DDX60: variants seen among roughly 807,000 people sequenced by gnomAD.
DDX60 encodes the protein DExD/H-box helicase 60.
DDX60 carries 165 observed loss-of-function variants against 212.8 expected under a neutral mutation model. That is an observed-to-expected ratio of 0.78 (90% CI 0.68 to 0.88). The LOEUF (loss-of-function observed/expected upper bound fraction) is 0.88. Ranked by LOEUF, DDX60 falls within the 40% of genes least tolerant of loss-of-function variation. DDX60 has a pLI of 0.00. For missense variants in DDX60, 1,905 were observed against 2,003.9 expected, an observed-to-expected ratio of 0.95 and a Z score of 0.94; for synonymous variants, 703 against 685.3, an observed-to-expected ratio of 1.03 and a Z score of -0.40.
At chr4:168,286,996 C>T (rs1050392730) in intron 10 of DDX60, 52 bp downstream of exon 10, 1 of 1,436,924 alleles carries the variant, frequency 7.0e-7, no homozygotes, top group Non-Finnish European at 9.4e-7. Flanking sequence ...GTTTCCTAAA[C>T]ACTTTCAGAG....
chr4:168,308,073 T>C lies in DDX60; in HGVS notation c.197A>G (p.Tyr66Cys). Residue 66 changes from tyrosine to cysteine, a missense_variant, in exon 4 of 38, where the codon TAT becomes TGT. By Grantham distance (194) the Tyr-to-Cys change is radical. Transcript: ENST00000393743. ...ATCCACAAGATAGCGTTCAACCAGA[T>C]AGAAGAAATGGAGGTTCTGCCCAGG... ...FKPGQNLHFF[Y>C]LVERYLVDLI... The C allele has an allele frequency of 1.2e-6, 2 of 1,612,340 alleles. No individual in the cohort carries two copies. Among genetic ancestry groups the C allele is most frequent in the Non-Finnish European group, 1.7e-6 (2 of 1,179,638 alleles).
chr4:168,318,564 A>T (rs1026212613), intron 1 of DDX60, 58 bp downstream of exon 1: 6 of 152,140 alleles, frequency 3.9e-5, no homozygotes, highest in Admixed American at 6.6e-5. Context: ...AAGACCTAGA[A>T]CTCCCGCTAG....
In DDX60 at chr4:168,225,516, A is replaced by G; in HGVS notation, c.4681+13T>C. On this transcript the variant is annotated intron_variant, in intron 34 of 37. Transcript: ENST00000393743. ...CTTCAAATTGTTCCACAATGGAGGT[A>G]AAATATACTTACTGATTTTTGACAA... 1.3e-6 allele frequency: 2 copies of G among 1,597,770 alleles called. No homozygotes were observed. Among genetic ancestry groups the G allele is most frequent in the Non-Finnish European group, 1.7e-6 (2 of 1,172,914 alleles).
intron 25 of DDX60, 80 bp from the exon 26 acceptor site, chr4:168,255,949 T>A: frequency 7.1e-7 from 1 of 1,401,726 alleles, no homozygotes; most frequent in Non-Finnish European, 9.5e-7. Flanking sequence ...ACTACTATCA[T>A]CCCGACATCT....
At chr4:168,293,087 GTC>G (rs1736179462) in intron 7 of DDX60, among the ~76,000 whole-genome samples, 1 of 152,100 alleles carries the variant, frequency 6.6e-6, no homozygotes, top group African/African-American at 2.4e-5. Flanking sequence ...ATACACATGC[GTC>G]TGAGTGTGTA....
intron 9 of DDX60, 24 bp downstream of exon 9, chr4:168,288,150 G>C: frequency 7.3e-7 from 1 of 1,377,134 alleles, no homozygotes; most frequent in Non-Finnish European, 9.8e-7. Context: ...ATGGAAGTAT[G>C]ATTATAATAT....
At chr4:168,285,342 C>T in intron 11 of DDX60, 51 bp downstream of exon 11, 1 of 1,020,784 alleles carries the variant, frequency 9.8e-7, no homozygotes, top group Non-Finnish European at 1.5e-6. Context: ...CGTTGAGTAA[C>T]TCATGTATTC....
chr4:168,246,676 T>G lies in DDX60; in HGVS notation c.3964-58A>C, dbSNP rs1219639107. The G allele has an allele frequency of 3.2e-6, 5 of 1,560,502 alleles. No homozygotes were observed. The Admixed American group carries it at 8.5e-5, about 27-fold the overall frequency. ...TCCCTAAATGCTTCTACTGCCATAG[T>G]GTAAGAATGAGCCCTTTACTCTGGT... On this transcript the variant is annotated intron_variant, in intron 29 of 37. Coordinates refer to ENST00000393743, the MANE Select transcript of DDX60 (RefSeq NM_017631.6).
In DDX60 at chr4:168,268,976, A is replaced by G; in HGVS notation, c.2671-7T>C. On this transcript the variant is annotated splice_region_variant and splice_polypyrimidine_tract_variant and intron_variant, in intron 19 of 37. Coordinates refer to ENST00000393743, the MANE Select transcript of DDX60 (RefSeq NM_017631.6). ...CTCCACCAAGACAATGAACCTATTA[A>G]ACAAAAAAAAAAAAATCTCAACTGA... is the stretch of plus-strand genomic sequence containing the variant. The G allele has an allele frequency of 1.4e-6, 2 of 1,425,696 alleles. No individual in the cohort carries two copies. Among genetic ancestry groups the G allele is most frequent in the Non-Finnish European group, 1.9e-6 (2 of 1,067,396 alleles). The allele number at this position is 1,425,696 out of a possible 1,614,324, so 88.3% of individuals were successfully genotyped here.
chr4:168,285,896 A>AAGGAAGGAAGG, intron 10 of DDX60, among the ~76,000 whole-genome samples: 1 of 114,764 alleles, frequency 8.7e-6, no homozygotes, highest in Admixed American at 1.0e-4. Flanking sequence ...AGGAGGGAAG[A>AAGGAAGGAAGG]AAGGAAGGAA....
In DDX60 at chr4:168,225,592, G is replaced by C; in HGVS notation, c.4618C>G (p.Leu1540Val). 1 of 1,611,330 alleles carries C rather than the reference G, an allele frequency of 6.2e-7. No homozygotes were observed. Among genetic ancestry groups the C allele is most frequent in the Admixed American group, 1.7e-5 (1 of 59,606 alleles). Residue 1540 changes from leucine to valine, a missense_variant, in exon 34 of 38, where the codon CTA (leucine) becomes GTA (valine). Coordinates refer to ENST00000393743, the MANE Select transcript of DDX60 (RefSeq NM_017631.6). ...TCAGCCAGTTTGGAAACAATTCGTAGGAAAGTGGTAAAGTCCTCCATAATT... is the reference window on the plus strand; with the variant it reads ...TCAGCCAGTTTGGAAACAATTCGTACGAAAGTGGTAAAGTCCTCCATAATT... The part of the protein sequence containing the change: ...MKIMEDFTTF[L>V]RIVSKLADMN...
chr4:168,301,038 T>C (rs1025747900), intron 6 of DDX60, among the ~76,000 whole-genome samples: 1 of 152,132 alleles, frequency 6.6e-6, no homozygotes, highest in Admixed American at 6.5e-5. Context: ...AACTTCAACA[T>C]TATGCAACAT....
At chr4:168,299,414 C>A (rs1736555123) in intron 6 of DDX60, among the ~76,000 whole-genome samples, 1 of 150,452 alleles carries the variant, frequency 6.6e-6, no homozygotes, top group Non-Finnish European at 1.5e-5. Flanking sequence ...CCAGCCCCCC[C>A]AAAAATCTAA....
chr4:168,240,820 C>G (rs1276807259), intron 30 of DDX60, among the ~76,000 whole-genome samples: 2 of 152,142 alleles, frequency 1.3e-5, no homozygotes, highest in Non-Finnish European at 2.9e-5. Flanking sequence ...AAGGTACACC[C>G]CAAAATTATA....
chr4:168,221,812 G>A lies in DDX60; in HGVS notation c.4894C>T (p.Arg1632Ter), dbSNP rs1451909576. The A allele has an allele frequency of 4.3e-6, 7 of 1,613,092 alleles. No individual in the cohort carries two copies. The highest frequency in any genetic ancestry group is 1.3e-5 in the African/African-American group (1 of 74,822). ...PVLLSQKFDNRGRKMSLNAYA... is the reference protein window; with the variant it reads ...PVLLSQKFDN The stretch of plus-strand genomic sequence containing the variant: ...GCATTAAGCGACATTTTCCTTCCTC[G>A]GTTATCAAATTTCTGTGACAACAGC... Residue 1632 changes from arginine (R) to a stop codon, truncating the protein, a stop_gained, in exon 36 of 38, where the codon CGA becomes TGA. Transcript: ENST00000393743. LOFTEE classifies it high-confidence loss of function.
intron 14 of DDX60, among the ~76,000 whole-genome samples, chr4:168,276,823 T>C (rs141763234): frequency 2.3e-3 from 349 of 152,380 alleles, no homozygotes; most frequent in African/African-American, 7.5e-3. Flanking sequence ...AGTAAGAGGC[T>C]ACAAAGGAAA....
At chr4:168,236,778 A>T (rs984546533) in intron 32 of DDX60, among the ~76,000 whole-genome samples, 91 of 151,934 alleles carry the variant, frequency 6.0e-4, no homozygotes, top group African/African-American at 2.1e-3. Flanking sequence ...TTAGGGGAAA[A>T]TATGATTCTA....
At chr4:168,288,378 T>C in intron 8 of DDX60, 63 bp from the exon 9 acceptor site, 1 of 1,173,636 alleles carries the variant, frequency 8.5e-7, no homozygotes, top group Non-Finnish European at 1.2e-6. Context: ...ACTATAGGGT[T>C]CATATGCTTC....
upstream of DDX60, among the ~76,000 whole-genome samples, chr4:168,321,011 AT>A (rs1335045848): frequency 2.0e-5 from 3 of 152,210 alleles, no homozygotes; most frequent in Non-Finnish European, 2.9e-5. Context: ...GTTTTTTAGA[AT>A]ATATGATGTT....
Sources: gnomAD v4.1 joint callset for allele counts (sites outside exome capture counted in the v4.1 genomes callset) on GRCh38, gnomAD v4.1.1 for gene constraint, MANE v1.5 for transcripts, NCBI Gene and HGNC (gene_info 2026-07-23, HGNC 2026-07-21) for gene names.